The following FXYD3 variants were observed in gnomAD, a reference collection of about 807,000 sequenced individuals.
FXYD3 encodes the protein FXYD domain containing ion transport regulator 3.
Under a neutral mutation model 19.2 loss-of-function variants are expected in FXYD3, and 13 were observed. That is an observed-to-expected ratio of 0.68 (90% CI 0.44 to 1.08). The LOEUF (loss-of-function observed/expected upper bound fraction) is 1.08, where lower values mean the gene tolerates loss of function less well. FXYD3 is among the 50% of genes least tolerant of loss of function. The probability of loss-of-function intolerance (pLI) is 0.00; values close to 1 mark genes in which losing one functional copy is unlikely to be tolerated. For missense variants in FXYD3, 101 were observed against 109.4 expected (o/e 0.92, Z 0.34); for synonymous variants, 48 against 38.9 (o/e 1.23, Z -0.87).
At chr19:35,119,225 A>G (rs750618067) in intron 2 of FXYD3, 138 bp from the exon 3 acceptor site, 1 of 1,603,222 alleles carries the variant, frequency 6.2e-7, no homozygotes, top group African/African-American at 1.3e-5. Context: ...CTCTCAGCCC[A>G]GCGAGATGCC....
intron 2 of FXYD3, chr19:35,116,689 G>C: frequency 1.0e-6 from 1 of 984,986 alleles, no homozygotes; most frequent in Non-Finnish European, 1.2e-6. Flanking sequence ...GGGTGCCTGG[G>C]TAGGTAGGGG....
At chr19:35,116,467 C>T (rs899939747) in intron 2 of FXYD3, 108 bp downstream of exon 2, 105 of 985,218 alleles carry the variant, frequency 1.1e-4, no homozygotes, top group Non-Finnish European at 1.2e-4. Flanking sequence ...TATGTTAAAG[C>T]GCCTAAAATC....
chr19:35,121,483 A>C, intron 5 of FXYD3: 1 of 1,442,290 alleles, frequency 6.9e-7, no homozygotes, highest in Non-Finnish European at 9.1e-7. Context: ...GACAGTTTGC[A>C]AGAAGCCATT....
rs956019399 is a variant in FXYD3, at chr19:35,122,932, T to C, written c.187T>C (p.Cys63Arg). 5.6e-6 allele frequency: 9 copies of C among 1,606,146 alleles called. No homozygotes were observed. The African/African-American group carries it at 1.2e-4, about 22-fold the overall frequency. Residue 63 changes from cysteine (C) to arginine (R), a missense_variant, in exon 7 of 9, where the codon TGC becomes CGC. By Grantham distance (180) the Cys-to-Arg change is radical. Coordinates refer to ENST00000604404, the MANE Select transcript of FXYD3 (RefSeq NM_005971.4). Reference sequence around the variant, plus strand: ...CTCCCCAACAGGTGCAAAATGCAAATGCAAGTTTGGCCAGAAGTCCGGGTA... The same window carrying C: ...CTCCCCAACAGGTGCAAAATGCAAACGCAAGTTTGGCCAGAAGTCCGGGTA... Reference protein sequence around the residue: ...IIIVMSAKCKCKFGQKSGHHP... With the variant: ...IIIVMSAKCKRKFGQKSGHHP...
intron 3 of FXYD3, chr19:35,119,635 G>A (rs1424987532): frequency 3.1e-5 from 16 of 517,564 alleles, no homozygotes; most frequent in Non-Finnish European, 5.4e-5. Context: ...CCATTCTCTC[G>A]ATCTCTTCTT....
rs912884776 is a variant in FXYD3 at position 35,118,371 on chromosome 19, A to C, written c.-14-992A>C. 14 of 692,448 alleles carry C rather than the reference A, an allele frequency of 2.0e-5. No individual in the cohort carries two copies. In the African/African-American group the frequency reaches 2.3e-4, roughly 12 times the overall value. 42.9% of individuals were successfully genotyped at this position (692,448 alleles called of 1,614,324 possible). On this transcript the variant is annotated intron_variant, in intron 2 of 8. Coordinates refer to ENST00000604404, the MANE Select transcript of FXYD3 (RefSeq NM_005971.4). ...ACTCCGCCTCAAAAAAAAAAAAAAAAAAAACAATTATGATAACTATGCACT... is the reference window on the plus strand; with the variant it reads ...ACTCCGCCTCAAAAAAAAAAAAAAACAAAACAATTATGATAACTATGCACT...
Position 35,122,766 on chromosome 19 carries a change from C to T in FXYD3, c.99C>T (p.Asp33=). Residue 33 remains aspartate (D), a splice_region_variant and synonymous_variant, in exon 6 of 9, where the codon GAC becomes GAT. Transcript: ENST00000604404. ...LEDKNSPFYY[D]WHSLQVGGLI... ...AGGTCCCCTCCACTTTCCTCCTAGA[C>T]TGGCACAGCCTCCAGGTTGGCGGGC... 6.2e-7 allele frequency: 1 copy of T among 1,612,950 alleles called. No homozygotes were observed. Among genetic ancestry groups the T allele is most frequent in the South Asian group, 1.1e-5 (1 of 91,076 alleles).
intron 5 of FXYD3, 198 bp from the exon 6 acceptor site, chr19:35,122,567 G>A: frequency 1.7e-6 from 1 of 587,932 alleles, no homozygotes; most frequent in Non-Finnish European, 3.0e-6. Context: ...ACTTATCTCT[G>A]CCTGACCCTG....
chr19:35,119,514 G>A (rs1202426852), intron 3 of FXYD3, 98 bp downstream of exon 3: 1 of 1,132,404 alleles, frequency 8.8e-7, no homozygotes, highest in Non-Finnish European at 1.3e-6. Context: ...TCCCCGGGAA[G>A]GTGGTAAATG....
At chr19:35,117,030 C>T (rs1286417298) in intron 2 of FXYD3, 1 of 985,344 alleles carries the variant, frequency 1.0e-6, no homozygotes. Flanking sequence ...GTGGGGGAAA[C>T]AGTCCTCAGG....
chr19:35,116,289 G>GATAA lies in FXYD3; in HGVS notation c.-83_-80dup. ...GTTTGCTTAGGGCGTGGCAGCTTCG[G>GATAA]ATAAACGCAGGACTCCGCCTGGCAG... On this transcript the variant is annotated 5_prime_UTR_variant, in exon 2 of 9. Coordinates refer to ENST00000604404, the MANE Select transcript of FXYD3 (RefSeq NM_005971.4). 1 of 985,482 alleles carries GATAA rather than the reference G, an allele frequency of 1.0e-6. No individual in the cohort carries two copies. Among genetic ancestry groups the GATAA allele is most frequent in the Non-Finnish European group, 1.2e-6 (1 of 829,972 alleles). The allele number at this position is 985,482 out of a possible 1,614,324, so 61.0% of individuals were successfully genotyped here. A position where few individuals can be genotyped will look rare whatever the true frequency, so the allele number is the denominator to read the frequency against.
chr19:35,118,720 C>T (rs749515583), intron 2 of FXYD3: 7 of 329,798 alleles, frequency 2.1e-5, no homozygotes, highest in Non-Finnish European at 3.3e-5. Context: ...GCTAGGGCTG[C>T]AGCCAGGAGG....
In FXYD3 at chr19:35,116,288, G is replaced by C. The variant is rs2064883715; in HGVS notation, c.-86G>C. On this transcript the variant is annotated 5_prime_UTR_variant, in exon 2 of 9. Coordinates refer to ENST00000604404, the MANE Select transcript of FXYD3 (RefSeq NM_005971.4). Reference sequence around the variant, plus strand: ...GGTTTGCTTAGGGCGTGGCAGCTTCGGATAAACGCAGGACTCCGCCTGGCA... The same window carrying C: ...GGTTTGCTTAGGGCGTGGCAGCTTCCGATAAACGCAGGACTCCGCCTGGCA... 1.1e-5 allele frequency: 11 copies of C among 985,300 alleles called. No homozygotes were observed. 61.0% of individuals were successfully genotyped at this position (985,300 alleles called of 1,614,324 possible).
chr19:35,123,509 C>T lies in FXYD3; in HGVS notation c.*52C>T, dbSNP rs373271833. 4.3e-5 allele frequency: 68 copies of T among 1,597,504 alleles called. 1 individual carries two copies. The African/African-American group carries it at 8.6e-4, about 20-fold the overall frequency. On this transcript the variant is annotated 3_prime_UTR_variant, in exon 9 of 9. Transcript: ENST00000604404. The stretch of plus-strand genomic sequence containing the variant: ...GGAGGACCGTTCTCTGTCCCCAGGT[C>T]CTGTCTCTGCACAGAAACTTGAACT...
chr19:35,122,537 C>A (rs754786233), intron 5 of FXYD3: 4 of 571,828 alleles, frequency 7.0e-6, no homozygotes, highest in Non-Finnish European at 9.2e-6. Context: ...TCTCCCACCC[C>A]ACTTATTTTT....
At chr19:35,122,321 A>AT (rs1430596119) in intron 5 of FXYD3, among the ~76,000 whole-genome samples, 2 of 151,950 alleles carry the variant, frequency 1.3e-5, no homozygotes, top group Non-Finnish European at 2.9e-5. Flanking sequence ...TGCCTGGCTA[A>AT]TTTTTGTATT....
chr19:35,123,793 G>A lies in FXYD3; in HGVS notation c.*336G>A, dbSNP rs1299620770. The A allele has an allele frequency of 2.3e-6, 1 of 428,948 alleles. No individual in the cohort carries two copies. The highest frequency in any genetic ancestry group is 2.0e-5 in the African/African-American group (1 of 50,496). 26.6% of individuals were successfully genotyped at this position (428,948 alleles called of 1,614,324 possible). A position where few individuals can be genotyped will look rare whatever the true frequency, so the allele number is the denominator to read the frequency against. ...GAAAAGCCCACAGGCCTGTTCCCTTGTGGCTTGGGACATGGCACAGGCCCG... is the reference window on the plus strand; with the variant it reads ...GAAAAGCCCACAGGCCTGTTCCCTTATGGCTTGGGACATGGCACAGGCCCG... On this transcript the variant is annotated 3_prime_UTR_variant, in exon 9 of 9. Coordinates refer to ENST00000604404, the MANE Select transcript of FXYD3 (RefSeq NM_005971.4).
At chr19:35,123,349 G>GGTGTGT (rs71167516) in intron 8 of FXYD3, 41 bp downstream of exon 8, 13 of 1,485,634 alleles carry the variant, frequency 8.8e-6, no homozygotes, top group East Asian at 2.4e-5. Flanking sequence ...ACACGGAAGT[G>GGTGTGT]GTGTGTGTGT....
intron 2 of FXYD3, chr19:35,117,026 G>A (rs1283675537): frequency 1.0e-6 from 1 of 985,370 alleles, no homozygotes; most frequent in East Asian, 1.1e-4. Flanking sequence ...GCAGGTGGGG[G>A]AAACAGTCCT....
Sources: allele counts gnomAD v4.1 joint callset (sites outside exome capture counted in the v4.1 genomes callset), GRCh38; gene constraint gnomAD v4.1.1; transcripts MANE v1.5; gene names NCBI Gene and HGNC (gene_info 2026-07-23, HGNC 2026-07-21).